Variants in MSRA observed in about 807,000 individuals in gnomAD.
The protein encoded by MSRA is methionine sulfoxide reductase A.
In MSRA, 54 loss-of-function variants were observed where a neutral mutation model predicts 31.3. The ratio of observed to expected loss-of-function variants is 1.73; its 90% CI spans 1.39 to 2.17. The LOEUF (loss-of-function observed/expected upper bound fraction) is 2.17. Among genes scored for constraint, MSRA ranks in the 30% most tolerant of loss-of-function variants. MSRA has a pLI of 0.00. For synonymous variants in MSRA, 169 were observed against 116.5 expected (o/e 1.45, Z -2.90); for missense variants, 507 against 300.9 (o/e 1.69, Z -5.07).
chr8:10,087,716 G>A (rs1053214610), intron 1 of MSRA, among the ~76,000 whole-genome samples: 2 of 152,170 alleles, frequency 1.3e-5, no homozygotes, highest in African/African-American at 4.8e-5. Flanking sequence ...TAAATATTCT[G>A]AGAGTGCCAT....
At chr8:10,348,582 A>G (rs1803936074) in intron 5 of MSRA, among the ~76,000 whole-genome samples, 1 of 151,772 alleles carries the variant, frequency 6.6e-6, no homozygotes, top group Admixed American at 6.6e-5. Flanking sequence ...GTTGGCCAGG[A>G]TGGTCTTGAT....
At chr8:10,410,815 G>A (rs1426144255) in intron 5 of MSRA, among the ~76,000 whole-genome samples, 1 of 152,192 alleles carries the variant, frequency 6.6e-6, no homozygotes, top group Non-Finnish European at 1.5e-5. Flanking sequence ...GTCTGAACTG[G>A]AAAGCATGCC....
At chr8:10,146,184 G>A (rs1038478942) in intron 1 of MSRA, among the ~76,000 whole-genome samples, 6 of 152,164 alleles carry the variant, frequency 3.9e-5, no homozygotes, top group South Asian at 2.1e-4. Flanking sequence ...TGGTGCGATC[G>A]TAAAGGAAGA....
chr8:10,088,939 ATAT>A (rs758400254), intron 1 of MSRA, among the ~76,000 whole-genome samples: 1 of 152,242 alleles, frequency 6.6e-6, no homozygotes, highest in East Asian at 1.9e-4. Context: ...AAGATCTCAA[ATAT>A]TAATACACAC....
rs561240354 is a variant in MSRA, at chr8:10,191,015, T to C, written c.143-16818T>C. ...TGTCTCATGACCGTGAGCAGAGATGTTGAGGATTTTATGAGACACTATAAG... is the reference window on the plus strand; with the variant it reads ...TGTCTCATGACCGTGAGCAGAGATGCTGAGGATTTTATGAGACACTATAAG... On this transcript the variant is annotated intron_variant, in intron 1 of 5. Coordinates refer to ENST00000317173, the MANE Select transcript of MSRA (RefSeq NM_012331.5). Among the ~76,000 whole-genome samples the C allele has an allele frequency of 7.1e-4, 108 of 152,268 alleles. 5 individuals are homozygous for C. In the South Asian group the frequency reaches 0.021, roughly 30 times the overall value.
chr8:10,153,146 A>G (rs1009780283), intron 1 of MSRA, among the ~76,000 whole-genome samples: 3 of 152,204 alleles, frequency 2.0e-5, no homozygotes, highest in Admixed American at 1.3e-4. Flanking sequence ...TACGATGGTA[A>G]ATTTAATATG....
At chr8:10,100,692 G>A (rs990014548) in intron 1 of MSRA, among the ~76,000 whole-genome samples, 10 of 152,122 alleles carry the variant, frequency 6.6e-5, no homozygotes, top group Non-Finnish European at 7.4e-5. Context: ...CCTCTGCAAA[G>A]CTCGACTTAA....
At chr8:10,311,713 G>C (rs902453861) in intron 4 of MSRA, among the ~76,000 whole-genome samples, 1 of 152,100 alleles carries the variant, frequency 6.6e-6, no homozygotes, top group Non-Finnish European at 1.5e-5. Context: ...AGGAGTTCAG[G>C]ACCAGTCTGG....
chr8:10,273,296 GCTC>G (rs1433450214), intron 3 of MSRA, among the ~76,000 whole-genome samples: 1 of 152,048 alleles, frequency 6.6e-6, no homozygotes, highest in Non-Finnish European at 1.5e-5. Context: ...TATTTTACCT[GCTC>G]CTTCTAGTAG....
At chr8:10,147,267 G>A (rs951478305) in intron 1 of MSRA, among the ~76,000 whole-genome samples, 6 of 152,134 alleles carry the variant, frequency 3.9e-5, no homozygotes, top group African/African-American at 9.7e-5. Flanking sequence ...AGGAACCGGC[G>A]ATCCATCCTG....
At chr8:10,411,714 A>AT (rs1808170141) in intron 5 of MSRA, 1 of 152,268 alleles carries the variant, frequency 6.6e-6, no homozygotes. Context: ...TAATCAGTGA[A>AT]TAAAAAAAAT....
chr8:10,172,686 G>T (rs969110282), intron 1 of MSRA, among the ~76,000 whole-genome samples: 3 of 152,022 alleles, frequency 2.0e-5, no homozygotes, highest in Non-Finnish European at 4.4e-5. Context: ...AAGAATCTAG[G>T]GCCCAAAGTC....
chr8:10,116,465 A>C (rs1486487035), intron 1 of MSRA, among the ~76,000 whole-genome samples: 1 of 152,190 alleles, frequency 6.6e-6, no homozygotes, highest in African/African-American at 2.4e-5. Context: ...CTGTATGCTG[A>C]ACGCCATGCT....
chr8:10,407,618 C>A (rs1023958884), intron 5 of MSRA, among the ~76,000 whole-genome samples: 1 of 152,100 alleles, frequency 6.6e-6, no homozygotes, highest in African/African-American at 2.4e-5. Context: ...AGGAGAATGT[C>A]TCCGGGTTTG....
chr8:10,374,758 G>A (rs187136967), intron 5 of MSRA, among the ~76,000 whole-genome samples: 47 of 152,306 alleles, frequency 3.1e-4, no homozygotes, highest in Non-Finnish European at 4.3e-4. Flanking sequence ...TGGTTTGGAT[G>A]TTTTGTCCCC....
At chr8:10,251,870 G>A (rs1371896352) in intron 3 of MSRA, among the ~76,000 whole-genome samples, 2 of 147,430 alleles carry the variant, frequency 1.4e-5, no homozygotes, top group Non-Finnish European at 3.1e-5. Flanking sequence ...GTGGGGGGGG[G>A]GGGACATAGG....
chr8:10,055,269 A>G (rs772586931), intron 1 of MSRA, among the ~76,000 whole-genome samples: 10 of 152,202 alleles, frequency 6.6e-5, no homozygotes, highest in African/African-American at 1.2e-4. Context: ...ATGCTCCACA[A>G]ACTTGGACAA....
intron 1 of MSRA, among the ~76,000 whole-genome samples, chr8:10,075,925 T>C (rs1360895130): frequency 6.6e-6 from 1 of 152,234 alleles, no homozygotes; most frequent in Non-Finnish European, 1.5e-5. Flanking sequence ...GCTTGCTTAT[T>C]ACCTCTCTCC....
chr8:10,186,121 G>T (rs1358744431), intron 1 of MSRA, among the ~76,000 whole-genome samples: 2 of 152,122 alleles, frequency 1.3e-5, no homozygotes, highest in African/African-American at 4.8e-5. Flanking sequence ...GAGCCAGGTT[G>T]GCCTTCTGTG....
Sources: gnomAD v4.1 joint callset for allele counts (sites outside exome capture counted in the v4.1 genomes callset) on GRCh38, gnomAD v4.1.1 for gene constraint, MANE v1.5 for transcripts, NCBI Gene and HGNC (gene_info 2026-07-23, HGNC 2026-07-21) for gene names.